Variants in SLC35F4 observed in about 807,000 individuals in gnomAD.
SLC35F4 encodes the protein solute carrier family 35 member F4, also known as chromosome 14 open reading frame 36.
Under a neutral mutation model 44.2 loss-of-function variants are expected in SLC35F4, and 24 were observed. The observed-to-expected ratio is 0.54, with a 90% CI of 0.39 to 0.76. SLC35F4 has a LOEUF of 0.76. Ranked by LOEUF, SLC35F4 falls within the 30% of genes least tolerant of loss-of-function variation. The probability of loss-of-function intolerance (pLI) is 0.00; values close to 1 mark genes in which losing one functional copy is unlikely to be tolerated. For missense variants in SLC35F4, 562 were observed against 586.1 expected (o/e 0.96, Z 0.42); for synonymous variants, 238 against 223.6 (o/e 1.06, Z -0.57).
chr14:57,932,145 C>T (rs1449731647), intron 1 of SLC35F4, among the ~76,000 whole-genome samples: 2 of 152,182 alleles, frequency 1.3e-5, no homozygotes, highest in African/African-American at 4.8e-5. Context: ...AACTTGAAGA[C>T]AAAAACTGTA....
intron 1 of SLC35F4, among the ~76,000 whole-genome samples, chr14:57,955,926 A>T (rs1424663331): frequency 6.6e-6 from 1 of 152,240 alleles, no homozygotes; most frequent in Non-Finnish European, 1.5e-5. Context: ...TCTTCATAGA[A>T]TTATAAAAAA....
chr14:57,974,257 A>G (rs1226799234), downstream of SLC35F4, among the ~76,000 whole-genome samples: 2 of 152,108 alleles, frequency 1.3e-5, no homozygotes, highest in Non-Finnish European at 2.9e-5. Context: ...CCTCCCCAAC[A>G]TGGCAATCTT....
At chr14:57,704,207 G>T (rs982063205) in intron 1 of SLC35F4, among the ~76,000 whole-genome samples, 2 of 152,182 alleles carry the variant, frequency 1.3e-5, no homozygotes, top group Admixed American at 6.5e-5. Context: ...AAAGGGGTTG[G>T]AAGCAAGTTT....
At chr14:57,819,108 A>G (rs1418250653) in intron 1 of SLC35F4, among the ~76,000 whole-genome samples, 2 of 152,212 alleles carry the variant, frequency 1.3e-5, no homozygotes, top group Non-Finnish European at 2.9e-5. Context: ...TACACATAAT[A>G]TGATTGTCAA....
Position 57,910,649 on chromosome 14 carries a change from TC to T in SLC35F4, n.282+71263del, listed in dbSNP as rs1385659808. ...TGCCCCCATTGAACTATTTGTCTAG[TC>T]TTTTGCCAAATACACACTGTTTTGA... On this transcript the variant is annotated intron_variant and non_coding_transcript_variant, in intron 1 of 1. Transcript: ENST00000556568. 5.3e-5 allele frequency among the ~76,000 whole-genome samples: 8 copies of T among 152,040 alleles called. No individual in the cohort carries two copies. In the East Asian group the frequency reaches 1.5e-3, roughly 29 times the overall value.
chr14:57,938,366 A>G (rs1013785781), intron 1 of SLC35F4, among the ~76,000 whole-genome samples: 1 of 152,174 alleles, frequency 6.6e-6, no homozygotes, highest in Non-Finnish European at 1.5e-5. Flanking sequence ...AGTCCAGTGT[A>G]ATTGAGTGTC....
intron 1 of SLC35F4, among the ~76,000 whole-genome samples, chr14:57,742,598 A>T (rs1166129338): frequency 3.9e-5 from 6 of 152,176 alleles, no homozygotes. Flanking sequence ...GTACAAAGAG[A>T]CTAAGACTCC....
chr14:57,865,274 G>A (rs1213625918), intron 1 of SLC35F4, among the ~76,000 whole-genome samples: 20 of 138,168 alleles, frequency 1.4e-4, no homozygotes, highest in African/African-American at 5.2e-4. Flanking sequence ...GGCCGCCCCC[G>A]CCAGCCCCAC....
intron 1 of SLC35F4, among the ~76,000 whole-genome samples, chr14:57,899,469 A>G (rs2141044139): frequency 1.3e-5 from 2 of 152,368 alleles, no homozygotes; most frequent in East Asian, 3.9e-4. Context: ...GTGAGGAACC[A>G]ATAAGCACAC....
intron 1 of SLC35F4, among the ~76,000 whole-genome samples, chr14:57,958,836 C>T (rs1890290645): frequency 6.6e-6 from 1 of 152,162 alleles, no homozygotes; most frequent in Non-Finnish European, 1.5e-5. Context: ...TGCACAAGGC[C>T]ACTCTACTCA....
At chr14:57,958,151 A>G (rs191398425) in intron 1 of SLC35F4, among the ~76,000 whole-genome samples, 8 of 151,372 alleles carry the variant, frequency 5.3e-5, no homozygotes, top group South Asian at 4.2e-4. Context: ...TCTGCCTCCC[A>G]GGTTCACGCC....
At chr14:57,908,887 G>A (rs1889161139) in intron 1 of SLC35F4, among the ~76,000 whole-genome samples, 3 of 152,092 alleles carry the variant, frequency 2.0e-5, no homozygotes, top group Non-Finnish European at 4.4e-5. Flanking sequence ...GTATTGCCTG[G>A]ATTTTCTTCT....
intron 1 of SLC35F4, among the ~76,000 whole-genome samples, chr14:57,649,855 T>C (rs768482557): frequency 1.3e-5 from 2 of 152,148 alleles, no homozygotes; most frequent in African/African-American, 4.8e-5. Flanking sequence ...GATTTGATAT[T>C]TCAAAAGTTT....
intron 1 of SLC35F4, among the ~76,000 whole-genome samples, chr14:57,833,832 T>G (rs1884636169): frequency 2.0e-5 from 3 of 152,184 alleles, no homozygotes; most frequent in Admixed American, 2.0e-4. Flanking sequence ...TATTCACAAA[T>G]CACCTTTATG....
At chr14:57,889,999 A>G (rs1040678879) in intron 1 of SLC35F4, among the ~76,000 whole-genome samples, 1 of 152,192 alleles carries the variant, frequency 6.6e-6, no homozygotes, top group Non-Finnish European at 1.5e-5. Flanking sequence ...ATTACTGTTC[A>G]GCAAATATTC....
At chr14:57,629,997 T>C in intron 1 of SLC35F4, 1 of 530,206 alleles carries the variant, frequency 1.9e-6, no homozygotes, top group South Asian at 1.4e-5. Context: ...AACTTGGTCA[T>C]TATGGTCCTA....
chr14:57,744,883 CA>C (rs2076714047), intron 1 of SLC35F4, among the ~76,000 whole-genome samples: 1 of 152,070 alleles, frequency 6.6e-6, no homozygotes, highest in African/African-American at 2.4e-5. Flanking sequence ...GTACTGGTAC[CA>C]AAACAGAGAT....
chr14:57,892,009 C>T (rs968552195), intron 1 of SLC35F4, among the ~76,000 whole-genome samples: 3 of 152,134 alleles, frequency 2.0e-5, no homozygotes, highest in Admixed American at 6.6e-5. Context: ...AAATAATTCC[C>T]AGAGTTTTGA....
chr14:57,679,737 T>C (rs1023314251), intron 1 of SLC35F4, among the ~76,000 whole-genome samples: 21 of 152,060 alleles, frequency 1.4e-4, no homozygotes, highest in African/African-American at 4.6e-4. Context: ...CAGAGAATAC[T>C]ATAAACACCT....
Sources: allele counts gnomAD v4.1 joint callset (sites outside exome capture counted in the v4.1 genomes callset), GRCh38; gene constraint gnomAD v4.1.1; transcripts MANE v1.5; gene names NCBI Gene and HGNC (gene_info 2026-07-23, HGNC 2026-07-21).